Variants in LCLAT1 observed in about 807,000 individuals in gnomAD.
The protein encoded by LCLAT1 is 1-AGP acyltransferase 8.
A neutral mutation model predicts 30.7 loss-of-function variants in LCLAT1; 11 were observed. That is an observed-to-expected ratio of 0.36 (90% CI 0.23 to 0.59). LCLAT1 has a LOEUF of 0.59. Ranked by LOEUF, LCLAT1 falls within the 20% of genes least tolerant of loss-of-function variation. The pLI is 0.77. For synonymous variants in LCLAT1, 155 were observed against 151.3 expected, an observed-to-expected ratio of 1.02 and a Z score of -0.18; for missense variants, 402 against 458.6, an observed-to-expected ratio of 0.88 and a Z score of 1.13.
intron 1 of LCLAT1, among the ~76,000 whole-genome samples, chr2:30,494,562 G>A (rs926866087): frequency 2.1e-5 from 1 of 47,710 alleles, no homozygotes; most frequent in Non-Finnish European, 5.0e-5. Context: ...ACGCATACGT[G>A]CATACACACA....
chr2:30,489,872 C>T (rs545478288), intron 1 of LCLAT1, among the ~76,000 whole-genome samples: 6 of 152,314 alleles, frequency 3.9e-5, no homozygotes, highest in Admixed American at 6.5e-5. Flanking sequence ...AAACTGGTTA[C>T]GCTCTTAAAC....
intron 1 of LCLAT1, among the ~76,000 whole-genome samples, chr2:30,494,579 C>T (rs1211415298): frequency 2.6e-5 from 4 of 151,296 alleles, no homozygotes; most frequent in Admixed American, 6.6e-5. Context: ...CACATGCATA[C>T]GTGCATACAT....
chr2:30,602,597 C>T (rs971788932), intron 5 of LCLAT1, among the ~76,000 whole-genome samples: 3 of 152,192 alleles, frequency 2.0e-5, no homozygotes, highest in Non-Finnish European at 4.4e-5. Context: ...CATCACTTCT[C>T]TGTCTCATTT....
At chr2:30,564,636 A>T (rs1245761026) in intron 4 of LCLAT1, among the ~76,000 whole-genome samples, 2 of 151,936 alleles carry the variant, frequency 1.3e-5, no homozygotes. Context: ...TAACAGTAGA[A>T]TACAGATAAT....
intron 1 of LCLAT1, among the ~76,000 whole-genome samples, chr2:30,461,734 A>C (rs1223610278): frequency 1.3e-5 from 2 of 149,686 alleles, no homozygotes; most frequent in Admixed American, 6.6e-5. Flanking sequence ...ACCCTCCTCT[A>C]ATCTGGCTGC....
intron 5 of LCLAT1, among the ~76,000 whole-genome samples, chr2:30,577,138 GTC>G: frequency 6.7e-6 from 1 of 149,704 alleles, no homozygotes; most frequent in Non-Finnish European, 1.5e-5. Context: ...TATATATTTT[GTC>G]ACATAGGCTC....
At chr2:30,616,121 A>G (rs1667982682) in intron 5 of LCLAT1, among the ~76,000 whole-genome samples, 1 of 152,182 alleles carries the variant, frequency 6.6e-6, no homozygotes, top group Non-Finnish European at 1.5e-5. Flanking sequence ...CTGTCACACC[A>G]TGTGCACAGC....
intron 2 of LCLAT1, among the ~76,000 whole-genome samples, chr2:30,530,694 T>C (rs1207451707): frequency 1.3e-5 from 2 of 152,178 alleles, no homozygotes; most frequent in Non-Finnish European, 1.5e-5. Flanking sequence ...TCTGGGCATG[T>C]TCCACAATGC....
At chr2:30,615,175 G>A (rs529374431) in intron 5 of LCLAT1, among the ~76,000 whole-genome samples, 1 of 152,124 alleles carries the variant, frequency 6.6e-6, no homozygotes, top group Admixed American at 6.6e-5. Flanking sequence ...GGTCAAGATA[G>A]AATGACTGAT....
At chr2:30,485,425 C>T (rs1437694770) in intron 1 of LCLAT1, among the ~76,000 whole-genome samples, 2 of 151,918 alleles carry the variant, frequency 1.3e-5, no homozygotes, top group South Asian at 2.1e-4. Context: ...CAATACTTGC[C>T]ATTAGTGGTG....
chr2:30,528,439 A>G (rs1237154889), intron 2 of LCLAT1, among the ~76,000 whole-genome samples: 9 of 152,226 alleles, frequency 5.9e-5, no homozygotes, highest in Admixed American at 1.3e-4. Context: ...GGCAGAGAAG[A>G]GAATGAATTT....
At chr2:30,490,838 A>C (rs1683802911) in intron 1 of LCLAT1, among the ~76,000 whole-genome samples, 1 of 152,242 alleles carries the variant, frequency 6.6e-6, no homozygotes, top group Admixed American at 6.5e-5. Context: ...CTACTAGAGT[A>C]ATACATAGCA....
At chr2:30,562,817 C>T (rs1346595969) in intron 4 of LCLAT1, among the ~76,000 whole-genome samples, 1 of 152,032 alleles carries the variant, frequency 6.6e-6, no homozygotes, top group Non-Finnish European at 1.5e-5. Flanking sequence ...TTTATTTATC[C>T]ATTAGACCCT....
chr2:30,634,363 C>T (rs947323843), intron 5 of LCLAT1, among the ~76,000 whole-genome samples: 7 of 152,334 alleles, frequency 4.6e-5, no homozygotes, highest in East Asian at 3.9e-4. Flanking sequence ...CGGCGGCTCA[C>T]GCCTGTAATC....
At chr2:30,506,524 A>G (rs1684669116) in intron 1 of LCLAT1, among the ~76,000 whole-genome samples, 1 of 152,140 alleles carries the variant, frequency 6.6e-6, no homozygotes, top group Non-Finnish European at 1.5e-5. Context: ...ACACGTGATA[A>G]TGCTATTAAG....
chr2:30,466,319 C>T (rs1682429095), intron 1 of LCLAT1, among the ~76,000 whole-genome samples: 1 of 150,134 alleles, frequency 6.7e-6, no homozygotes, highest in African/African-American at 2.5e-5. Context: ...GGCTGGAGCT[C>T]CTAGACTCAA....
Position 30,644,077 on chromosome 2 carries a change from C to T in LCLAT1, c.*3458C>T, listed in dbSNP as rs1397912666. On this transcript the variant is annotated 3_prime_UTR_variant, in exon 6 of 6. Coordinates refer to ENST00000379509, the MANE Select transcript of LCLAT1 (RefSeq NM_001002257.3). ...GAAGAGAATCTTGGTTTTGGTAATT[C>T]ATTTTTTTTTAAGATCATTATGTGC... 6.6e-6 allele frequency: 1 copy of T among 152,002 alleles called. No homozygotes were observed. Among genetic ancestry groups the T allele is most frequent in the African/African-American group, 2.4e-5 (1 of 41,378 alleles). 9.4% of individuals were successfully genotyped at this position (152,002 alleles called of 1,614,324 possible).
At chr2:30,633,585 T>C (rs1668870559) in intron 5 of LCLAT1, among the ~76,000 whole-genome samples, 1 of 152,128 alleles carries the variant, frequency 6.6e-6, no homozygotes, top group South Asian at 2.1e-4. Flanking sequence ...CTTGGGAGGC[T>C]GAGGCAGGAG....
At chr2:30,482,454 C>T (rs192518481) in intron 1 of LCLAT1, among the ~76,000 whole-genome samples, 17 of 152,196 alleles carry the variant, frequency 1.1e-4, no homozygotes, top group Non-Finnish European at 1.8e-4. Context: ...CTTTCCAAAA[C>T]TGTGTGGAAA....
Sources: gnomAD v4.1 joint callset for allele counts (sites outside exome capture counted in the v4.1 genomes callset) on GRCh38, gnomAD v4.1.1 for gene constraint, MANE v1.5 for transcripts, NCBI Gene and HGNC (gene_info 2026-07-23, HGNC 2026-07-21) for gene names.